PCDHA11: variants seen among roughly 807,000 people sequenced by gnomAD.
The protein encoded by PCDHA11 is protocadherin alpha 11, also known as protocadherin alpha-11.
PCDHA11 carries 61 observed loss-of-function variants against 70.3 expected under a neutral mutation model. That is an observed-to-expected ratio of 0.87 (90% CI 0.71 to 1.07). The LOEUF (loss-of-function observed/expected upper bound fraction) is 1.07, where lower values mean the gene tolerates loss of function less well. Ranked by LOEUF, PCDHA11 falls within the 50% of genes least tolerant of loss-of-function variation. PCDHA11 has a pLI of 0.00. For synonymous variants in PCDHA11, 633 were observed against 555.1 expected, an observed-to-expected ratio of 1.14 and a Z score of -1.97; for missense variants, 1,324 against 1,237.5, an observed-to-expected ratio of 1.07 and a Z score of -1.05.
intron 1 of PCDHA11, among the ~76,000 whole-genome samples, chr5:140,963,839 G>A (rs566875036): frequency 1.3e-5 from 2 of 152,290 alleles, no homozygotes; most frequent in African/African-American, 2.4e-5. Flanking sequence ...ATTTTCTCAT[G>A]TAATCATAAT....
chr5:140,898,263 C>T lies in PCDHA11; in HGVS notation c.2391+26769C>T, dbSNP rs1420763503. The stretch of plus-strand genomic sequence containing the variant: ...GGTGTTTTAGACATGAAGTCCTTGC[C>T]CATGCCTAAGTTCTGAATGGTAATG... On this transcript the variant is annotated intron_variant, in intron 1 of 3. Transcript: ENST00000398640. 2.0e-5 allele frequency among the ~76,000 whole-genome samples: 3 copies of T among 152,270 alleles called. No individual in the cohort carries two copies. In the East Asian group the frequency reaches 5.8e-4, roughly 29 times the overall value.
intron 1 of PCDHA11, among the ~76,000 whole-genome samples, chr5:140,975,611 A>C (rs191363875): frequency 7.0e-4 from 106 of 152,356 alleles, no homozygotes; most frequent in African/African-American, 2.4e-3. Flanking sequence ...GATGTCTTCC[A>C]CATGGATTTC....
intron 3 of PCDHA11, 34 bp from the exon 4 acceptor site, chr5:141,009,593 C>G: frequency 6.2e-7 from 1 of 1,602,020 alleles, no homozygotes; most frequent in South Asian, 1.1e-5. Flanking sequence ...CATGTGTTGA[C>G]CCTGTTAATG....
At chr5:140,968,464 C>G (rs1554230763) in intron 1 of PCDHA11, 1 of 1,614,114 alleles carries the variant, frequency 6.2e-7, no homozygotes, top group Non-Finnish European at 8.5e-7. Flanking sequence ...TGACTGCCAA[C>G]GTATATGTGG....
chr5:140,886,945 A>T (rs2061235497), intron 1 of PCDHA11, among the ~76,000 whole-genome samples: 1 of 152,148 alleles, frequency 6.6e-6, no homozygotes, highest in Admixed American at 6.5e-5. Flanking sequence ...TGTTCTACAC[A>T]TTAGACATTT....
chr5:140,993,532 A>C (rs1159592677), intron 3 of PCDHA11, among the ~76,000 whole-genome samples: 1 of 151,984 alleles, frequency 6.6e-6, no homozygotes, highest in African/African-American at 2.4e-5. Flanking sequence ...ACAGAGAGAG[A>C]GAGAGATAGA....
At chr5:140,898,676 G>C (rs1478380529) in intron 1 of PCDHA11, among the ~76,000 whole-genome samples, 3 of 152,036 alleles carry the variant, frequency 2.0e-5, no homozygotes, top group African/African-American at 4.8e-5. Context: ...GTTGCGGGCT[G>C]TTTTTTGGTT....
intron 1 of PCDHA11, chr5:140,968,828 C>T (rs1404451202): frequency 6.2e-7 from 1 of 1,614,198 alleles, no homozygotes; most frequent in South Asian, 1.1e-5. Context: ...TTCCAAAATC[C>T]TCCCTGACAC....
At chr5:140,884,071 G>C (rs1425122045) in intron 1 of PCDHA11, 7 of 1,613,400 alleles carry the variant, frequency 4.3e-6, no homozygotes, top group African/African-American at 2.7e-5. Context: ...ACGCCGATTC[G>C]GGCTACAATG....
At chr5:140,900,439 G>A (rs1348507716) in intron 1 of PCDHA11, among the ~76,000 whole-genome samples, 1 of 152,242 alleles carries the variant, frequency 6.6e-6, no homozygotes, top group East Asian at 1.9e-4. Context: ...CACCACGGCC[G>A]GCTAATTTTT....
At chr5:141,007,476 G>A (rs1412241964) in intron 3 of PCDHA11, among the ~76,000 whole-genome samples, 1 of 151,712 alleles carries the variant, frequency 6.6e-6, no homozygotes, top group Non-Finnish European at 1.5e-5. Context: ...GCTGAGGCAC[G>A]AGAATTACTT....
chr5:140,968,328 A>AT (rs1554230627), intron 1 of PCDHA11: 1 of 1,614,076 alleles, frequency 6.2e-7, no homozygotes, highest in South Asian at 1.1e-5. Flanking sequence ...GTCACCTCCT[A>AT]TGTCTCCATT....
chr5:140,957,113 G>A (rs1554222808), intron 1 of PCDHA11, among the ~76,000 whole-genome samples: 2 of 152,086 alleles, frequency 1.3e-5, no homozygotes, highest in Admixed American at 6.6e-5. Flanking sequence ...ACATGATTCT[G>A]TGTGTTTCTT....
At chr5:140,986,618 C>T (rs782259734) in intron 3 of PCDHA11, among the ~76,000 whole-genome samples, 2 of 152,134 alleles carry the variant, frequency 1.3e-5, no homozygotes, top group African/African-American at 2.4e-5. Flanking sequence ...TCAGGCCTTA[C>T]CTAAGGCAAC....
chr5:140,945,948 C>T (rs782232521), intron 1 of PCDHA11, among the ~76,000 whole-genome samples: 6 of 151,900 alleles, frequency 3.9e-5, no homozygotes, highest in Non-Finnish European at 5.9e-5. Context: ...TTTTATATGA[C>T]CCTGAAAGCA....
At chr5:140,977,097 G>T (rs988046010) in intron 1 of PCDHA11, among the ~76,000 whole-genome samples, 2 of 152,222 alleles carry the variant, frequency 1.3e-5, no homozygotes, top group African/African-American at 4.8e-5. Flanking sequence ...GTGTCATTGG[G>T]GAAGTGAGAT....
At chr5:140,994,788 C>A (rs139745274) in intron 3 of PCDHA11, among the ~76,000 whole-genome samples, 6 of 152,076 alleles carry the variant, frequency 3.9e-5, no homozygotes, top group Admixed American at 3.9e-4. Flanking sequence ...GGAAACAATG[C>A]GTGCATGCAA....
intron 1 of PCDHA11, among the ~76,000 whole-genome samples, chr5:140,901,260 T>G (rs1554189701): frequency 1.3e-5 from 2 of 152,190 alleles, no homozygotes; most frequent in African/African-American, 2.4e-5. Flanking sequence ...CCTGTGATTG[T>G]GGGGTATTAC....
At chr5:140,926,564 A>T in intron 1 of PCDHA11, 1 of 243,746 alleles carries the variant, frequency 4.1e-6, no homozygotes, top group Non-Finnish European at 7.8e-6. Flanking sequence ...GCCCGCTGCT[A>T]CTGGAGACAG....
Sources: gnomAD v4.1 joint callset for allele counts (sites outside exome capture counted in the v4.1 genomes callset) on GRCh38, gnomAD v4.1.1 for gene constraint, MANE v1.5 for transcripts, NCBI Gene and HGNC (gene_info 2026-07-23, HGNC 2026-07-21) for gene names.